CFAP251: variants seen among roughly 807,000 people sequenced by gnomAD.
The protein encoded by CFAP251 is cilia and flagella associated protein 251, also known as cilia- and flagella-associated protein 251.
CFAP251 carries 93 observed loss-of-function variants against 126.7 expected under a neutral mutation model. The observed-to-expected ratio is 0.73, with a 90% CI of 0.62 to 0.87. The LOEUF is 0.87. Among genes scored for constraint, CFAP251 ranks in the 40% least tolerant of loss-of-function variants. The pLI, the probability that CFAP251 is intolerant of heterozygous loss-of-function variation, is 0.00. For missense variants in CFAP251, 1,287 were observed against 1,389.2 expected (o/e 0.93, Z 1.17); for synonymous variants, 503 against 506.9 (o/e 0.99, Z 0.10).
At chr12:121,970,389 C>T (rs1882293233) in intron 17 of CFAP251, among the ~76,000 whole-genome samples, 1 of 152,188 alleles carries the variant, frequency 6.6e-6, no homozygotes, top group Admixed American at 6.5e-5. Flanking sequence ...CGAATCCTAG[C>T]TAATCACTAC....
intron 17 of CFAP251, 28 bp from the exon 18 acceptor site, chr12:121,975,216 A>G: frequency 1.2e-6 from 2 of 1,605,196 alleles, no homozygotes; most frequent in South Asian, 1.1e-5. Context: ...AGCGCTTTCT[A>G]ATAGAGACAT....
At chr12:121,924,107 A>G in intron 3 of CFAP251, 117 bp downstream of exon 3, 1 of 1,290,572 alleles carries the variant, frequency 7.7e-7, no homozygotes, top group East Asian at 2.4e-5. Context: ...TTAAACTAAT[A>G]ATAGACTTGT....
intron 21 of CFAP251, among the ~76,000 whole-genome samples, chr12:122,003,019 A>G (rs1249624521): frequency 6.6e-6 from 1 of 152,166 alleles, no homozygotes; most frequent in African/African-American, 2.4e-5. Context: ...AGATCTCAGA[A>G]TGTACCTTTC....
At position 121,939,791 on chromosome 12, in the gene CFAP251, C is replaced by T. The variant is rs899617396; in HGVS notation, c.999-2743C>T. On this transcript the variant is annotated intron_variant, in intron 5 of 21. Coordinates refer to ENST00000288912, the MANE Select transcript of CFAP251 (RefSeq NM_144668.6). The stretch of plus-strand genomic sequence containing the variant: ...AACCGTAGTTCTTCCTCCAGTTTTT[C>T]GCTCAGCTTAAAAATCTTACTCTGT... Among the ~76,000 whole-genome samples the T allele has an allele frequency of 5.9e-5, 9 of 152,246 alleles. No individual in the cohort carries two copies. In the East Asian group the frequency reaches 9.6e-4, roughly 16 times the overall value.
chr12:121,972,619 G>T (rs1882364437), intron 17 of CFAP251, among the ~76,000 whole-genome samples: 1 of 152,024 alleles, frequency 6.6e-6, no homozygotes, highest in South Asian at 2.1e-4. Context: ...CTCCTGAGTA[G>T]CTGGGACCAC....
chr12:121,987,597 C>T (rs1882780564), intron 19 of CFAP251, among the ~76,000 whole-genome samples: 1 of 151,962 alleles, frequency 6.6e-6, no homozygotes, highest in Non-Finnish European at 1.5e-5. Context: ...CACCTGTAAT[C>T]CCAGCTACTC....
chr12:121,925,950 T>G (rs1294254167), intron 3 of CFAP251, among the ~76,000 whole-genome samples: 1 of 152,006 alleles, frequency 6.6e-6, no homozygotes, highest in Non-Finnish European at 1.5e-5. Flanking sequence ...GTTCAAGTGA[T>G]TCTCCTGCCT....
chr12:121,958,749 C>T (rs543304583), intron 12 of CFAP251, among the ~76,000 whole-genome samples, 194 bp from the exon 13 acceptor site: 3 of 151,628 alleles, frequency 2.0e-5, no homozygotes, highest in East Asian at 1.9e-4. Context: ...GGGGCTCCCG[C>T]GGTGTCCTGG....
rs146108048 is a variant in CFAP251, at chr12:121,921,606, C to G, written c.301C>G (p.Gln101Glu). 4 of 1,614,054 alleles carry G rather than the reference C, an allele frequency of 2.5e-6. No homozygotes were observed. The East Asian group carries it at 8.9e-5, about 36-fold the overall frequency. Residue 101 changes from glutamine to glutamate, a missense_variant, in exon 2 of 22, where the codon CAA becomes GAA. By Grantham distance (29) the Gln-to-Glu change is conservative. Coordinates refer to ENST00000288912, the MANE Select transcript of CFAP251 (RefSeq NM_144668.6). ...GIQEETTVEPQEVTASMIRLE... is the reference protein window; with the variant it reads ...GIQEETTVEPEEVTASMIRLE... ...ACAGGAAGAAACCACAGTAGAGCCCCAAGAAGTCACAGCGTCCATGATCCG... is the reference window on the plus strand; with the variant it reads ...ACAGGAAGAAACCACAGTAGAGCCCGAAGAAGTCACAGCGTCCATGATCCG...
At chr12:121,991,760 G>A (rs558523181) in intron 19 of CFAP251, among the ~76,000 whole-genome samples, 38 of 152,238 alleles carry the variant, frequency 2.5e-4, no homozygotes, top group Admixed American at 9.8e-4. Context: ...TTGGGAGGCC[G>A]AGGCAGGCAG....
chr12:121,967,683 C>T (rs1882194099), intron 16 of CFAP251, among the ~76,000 whole-genome samples: 1 of 152,138 alleles, frequency 6.6e-6, no homozygotes, highest in Non-Finnish European at 1.5e-5. Context: ...GCCTGGACGA[C>T]AGAGTGAGAC....
At chr12:121,991,635 G>C (rs1360990324) in intron 19 of CFAP251, among the ~76,000 whole-genome samples, 1 of 152,078 alleles carries the variant, frequency 6.6e-6, no homozygotes, top group Non-Finnish European at 1.5e-5. Flanking sequence ...TGTTTCTCAA[G>C]CTTGGCTACG....
In CFAP251 at chr12:122,001,584, C is replaced by T. The variant is rs2135821635; in HGVS notation, c.3323C>T (p.Thr1108Ile). The T allele has an allele frequency of 1.2e-6, 2 of 1,614,086 alleles. No individual in the cohort carries two copies. The highest frequency in any genetic ancestry group is 1.7e-6 in the Non-Finnish European group (2 of 1,179,984). The stretch of plus-strand genomic sequence containing the variant: ...GAGGGATGGAAATCCGAGCCTGCAA[C>T]CTGCTCCGTCAAAGGTACCCCAGCT... ...NPEGWKSEPATCSVKGSEICL... is the reference protein window; with the variant it reads ...NPEGWKSEPAICSVKGSEICL... Residue 1108 changes from threonine to isoleucine, a missense_variant, in exon 21 of 22, where the codon ACC becomes ATC. Thr to Ile is a moderately conservative substitution (Grantham distance 89). Transcript: ENST00000288912.
intron 19 of CFAP251, among the ~76,000 whole-genome samples, chr12:121,993,700 C>T (rs1198603462): frequency 2.7e-5 from 4 of 147,886 alleles, no homozygotes; most frequent in East Asian, 2.1e-4. Context: ...CCGGCCGCCC[C>T]GTCTGAGAAG....
intron 15 of CFAP251, among the ~76,000 whole-genome samples, chr12:121,966,427 ATT>A (rs1159106051): frequency 1.8e-5 from 1 of 54,706 alleles, no homozygotes; most frequent in Non-Finnish European, 3.6e-5. Context: ...TGCCTGGCTA[ATT>A]TTTTTTTTTT....
chr12:122,003,630 G>A (rs1299657027), intron 21 of CFAP251, 22 bp from the exon 22 acceptor site: 3 of 1,582,076 alleles, frequency 1.9e-6, no homozygotes, highest in African/African-American at 1.4e-5. Flanking sequence ...GGCATTTGGT[G>A]TTCTTTTCTT....
chr12:121,961,829 T>C, intron 14 of CFAP251, 149 bp from the exon 15 acceptor site: 1 of 734,520 alleles, frequency 1.4e-6, no homozygotes, highest in Admixed American at 2.9e-5. Flanking sequence ...TCTAGGCAAG[T>C]CTTCTCTTAG....
Position 121,967,083 on chromosome 12 carries a change from C to T in CFAP251, c.2607+14C>T, listed in dbSNP as rs1428930364. ...AACAGAGACAAGGTAACAGCGCTCTCTTCTCCAGTTCTGGGAGTTGACTCT... is the reference window on the plus strand; with the variant it reads ...AACAGAGACAAGGTAACAGCGCTCTTTTCTCCAGTTCTGGGAGTTGACTCT... On this transcript the variant is annotated intron_variant, in intron 16 of 21. Transcript: ENST00000288912. 2 of 1,606,836 alleles carry T rather than the reference C, an allele frequency of 1.2e-6. No individual in the cohort carries two copies. Among genetic ancestry groups the T allele is most frequent in the African/African-American group, 1.3e-5 (1 of 74,906 alleles).
chr12:121,992,182 C>T (rs1338362341), intron 19 of CFAP251: 11 of 984,902 alleles, frequency 1.1e-5, no homozygotes, highest in East Asian at 1.1e-4. Flanking sequence ...CATCTTCACA[C>T]GGGGGCGTTC....
Sources: gnomAD v4.1 joint callset for allele counts (sites outside exome capture counted in the v4.1 genomes callset) on GRCh38, gnomAD v4.1.1 for gene constraint, MANE v1.5 for transcripts, NCBI Gene and HGNC (gene_info 2026-07-23, HGNC 2026-07-21) for gene names.